Variants in ABHD14B observed in about 807,000 individuals in gnomAD.
The protein encoded by ABHD14B is abhydrolase domain containing 14B, also known as putative protein-lysine deacylase ABHD14B.
A neutral mutation model predicts 15.4 loss-of-function variants in ABHD14B; 19 were observed. That is an observed-to-expected ratio of 1.23 (90% CI 0.86 to 1.81). ABHD14B has a LOEUF of 1.81. ABHD14B is among the 40% of genes most tolerant of loss of function. The pLI is 0.00. For missense variants in ABHD14B, 243 were observed against 267.0 expected (o/e 0.91, Z 0.63); for synonymous variants, 92 against 117.3 (o/e 0.78, Z 1.39).
Position 51,969,376 on chromosome 3 carries a change from A to C in ABHD14B, c.*50T>G. ...TGGGAGAGAAGAGAGAGCGTGCAAG[A>C]GAGAGCTCAGAGCAGGCAGGCAGCC... On this transcript the variant is annotated 3_prime_UTR_variant, in exon 4 of 4. Coordinates refer to ENST00000361143, the MANE Select transcript of ABHD14B (RefSeq NM_001146314.2). 1.9e-6 allele frequency: 3 copies of C among 1,554,318 alleles called. No homozygotes were observed. Among genetic ancestry groups the C allele is most frequent in the Non-Finnish European group, 2.6e-6 (3 of 1,149,074 alleles).
At chr3:51,971,438 C>T in intron 2 of ABHD14B, 22 bp downstream of exon 2, 1 of 1,541,310 alleles carries the variant, frequency 6.5e-7, no homozygotes, top group Non-Finnish European at 8.8e-7. Flanking sequence ...AAACCCTGCC[C>T]AGAAGCCTGC....
Position 51,969,324 on chromosome 3 carries a change from C to T in ABHD14B, c.*102G>A. ...GAACCCAGACATATAGACAGACGCA[C>T]CTGTTGCATGTGCATGAGCCAGAGC... is the stretch of plus-strand genomic sequence containing the variant. On this transcript the variant is annotated 3_prime_UTR_variant, in exon 4 of 4. Transcript: ENST00000361143. 1 of 1,323,606 alleles carries T rather than the reference C, an allele frequency of 7.6e-7. No individual in the cohort carries two copies. The highest frequency in any genetic ancestry group is 1.4e-5 in the South Asian group (1 of 69,984). The allele number at this position is 1,323,606 out of a possible 1,614,324, so 82.0% of individuals were successfully genotyped here.
intron 1 of ABHD14B, chr3:51,973,631 G>C (rs903970658): frequency 2.8e-6 from 1 of 362,546 alleles, no homozygotes; most frequent in East Asian, 7.4e-5. Flanking sequence ...TGATCCTCCC[G>C]GCTCACCCCC....
chr3:51,971,812 C>T (rs1700661051), intron 1 of ABHD14B, 114 bp from the exon 2 acceptor site: 1 of 1,440,330 alleles, frequency 6.9e-7, no homozygotes, highest in Admixed American at 2.7e-5. Context: ...AAGAACATGC[C>T]TTGGGGTCAG....
At position 51,970,114 on chromosome 3, in the gene ABHD14B, C is replaced by T. The variant is rs367593230; in HGVS notation, c.282G>A (p.Ala94=). The T allele has an allele frequency of 3.0e-5, 47 of 1,581,466 alleles. No homozygotes were observed. The highest frequency in any genetic ancestry group is 1.7e-4 in the Middle Eastern group (1 of 5,898). The change falls in exon 3 of 4, where the codon GCG becomes GCA. Residue 94 remains alanine, a synonymous_variant. Coordinates refer to ENST00000361143, the MANE Select transcript of ABHD14B (RefSeq NM_001146314.2). ...CCAGCTCCAAGGCATCCACCACAGC[C>T]GCCAGGAAGCTGCCAGGGGCCAGCT... ...IGELAPGSFL[A]AVVDALELGP...
At chr3:51,973,858 G>T (rs1262031834) in intron 1 of ABHD14B, 107 bp downstream of exon 1, 2 of 1,289,640 alleles carry the variant, frequency 1.6e-6, no homozygotes, top group African/African-American at 3.0e-5. Context: ...GGGAATGGTG[G>T]CAACTCCCAA....
At position 51,969,484 on chromosome 3, in the gene ABHD14B, A is replaced by G. The variant is rs1020524964; in HGVS notation, c.575T>C (p.Leu192Pro). 1.4e-5 allele frequency: 22 copies of G among 1,613,830 alleles called. No homozygotes were observed. The highest frequency in any genetic ancestry group is 1.7e-5 in the Non-Finnish European group (20 of 1,179,982). ...IMKGAGHPCY[L>P]DKPEEWHTGL... ...TGTATGCCACTCCTCTGGTTTGTCC[A>G]GGTAACAGGGGTGCCCCGCCCCCTT... The change falls in exon 4 of 4, where the codon CTG becomes CCG. Residue 192 changes from leucine to proline, a missense_variant. By Grantham distance (98) the Leu-to-Pro change is moderately conservative (BLOSUM62 -3). Coordinates refer to ENST00000361143, the MANE Select transcript of ABHD14B (RefSeq NM_001146314.2).
At chr3:51,969,884 C>T in intron 3 of ABHD14B, 59 bp downstream of exon 3, 2 of 1,613,802 alleles carry the variant, frequency 1.2e-6, no homozygotes, top group Non-Finnish European at 1.7e-6. Context: ...GAGGAAAGCC[C>T]AGGGATGCAC....
chr3:51,969,758 C>G, intron 3 of ABHD14B, 153 bp from the exon 4 acceptor site: 1 of 1,403,148 alleles, frequency 7.1e-7, no homozygotes, highest in Non-Finnish European at 9.8e-7. Context: ...GGTGTCTGCC[C>G]CAGAACACAG....
chr3:51,973,205 C>T (rs1288435094), intron 1 of ABHD14B, among the ~76,000 whole-genome samples: 64 of 151,544 alleles, frequency 4.2e-4, no homozygotes, highest in African/African-American at 1.5e-3. Context: ...CCACCACGCC[C>T]GGCTAATTTT....
At chr3:51,971,764 G>A (rs1577709710) in intron 1 of ABHD14B, 66 bp from the exon 2 acceptor site, 2 of 1,510,084 alleles carry the variant, frequency 1.3e-6, no homozygotes, top group Non-Finnish European at 1.8e-6. Context: ...AGTCCCAGAG[G>A]AGCAGCAAGG....
At chr3:51,973,161 C>T (rs1700690603) in intron 1 of ABHD14B, among the ~76,000 whole-genome samples, 1 of 151,860 alleles carries the variant, frequency 6.6e-6, no homozygotes, top group Non-Finnish European at 1.5e-5. Flanking sequence ...TCTCCTGCCT[C>T]AGCCTCCCGG....
intron 2 of ABHD14B, 33 bp downstream of exon 2, chr3:51,971,427 C>T (rs192229463): frequency 7.9e-6 from 12 of 1,520,402 alleles, no homozygotes; most frequent in African/African-American, 2.8e-5. Flanking sequence ...GAGACCTCCC[C>T]AAACCCTGCC....
rs1200380641 is a variant in ABHD14B at position 51,969,962 on chromosome 3, G to A, written c.434C>T (p.Ala145Val). Residue 145 changes from alanine (A) to valine (V), a missense_variant, in exon 3 of 4, where the codon GCC becomes GTC. Ala to Val is a moderately conservative substitution (Grantham distance 64). Coordinates refer to ENST00000361143, the MANE Select transcript of ABHD14B (RefSeq NM_001146314.2). ...GGGTACCTTCACACTGGCATAGTTG[G>A]CAGCATTGATTTTGTCAGTGCAGAT... Reference protein sequence around the residue: ...APICTDKINAANYASVKTPAL... With the variant: ...APICTDKINAVNYASVKTPAL... 6.2e-7 allele frequency: 1 copy of A among 1,614,220 alleles called. No homozygotes were observed. Among genetic ancestry groups the A allele is most frequent in the Non-Finnish European group, 8.5e-7 (1 of 1,180,034 alleles).
chr3:51,974,476 C>G (rs1032010755), upstream of ABHD14B: 5 of 232,148 alleles, frequency 2.2e-5, no homozygotes, highest in African/African-American at 1.2e-4. Flanking sequence ...TAGAGCGGGT[C>G]AGATGTTGCC....
At chr3:51,970,354 C>T (rs1053648128) in intron 2 of ABHD14B, among the ~76,000 whole-genome samples, 170 bp from the exon 3 acceptor site, 4 of 152,204 alleles carry the variant, frequency 2.6e-5, no homozygotes, top group Non-Finnish European at 4.4e-5. Context: ...TCTATCTTAT[C>T]GTGCCAAGCA....
At chr3:51,974,495 C>T, upstream of ABHD14B, 1 of 213,116 alleles carries the variant, frequency 4.7e-6, no homozygotes, top group Non-Finnish European at 9.7e-6. Context: ...CCAACCTCTG[C>T]AGAGTAGCAA....
upstream of ABHD14B, chr3:51,974,142 A>C: frequency 2.1e-6 from 2 of 932,890 alleles, no homozygotes; most frequent in Non-Finnish European, 2.9e-6. Context: ...ACTCCGCTAA[A>C]CTCGTTCTCA....
chr3:51,971,357 G>T, intron 2 of ABHD14B, 103 bp downstream of exon 2: 1 of 1,333,068 alleles, frequency 7.5e-7, no homozygotes, highest in Non-Finnish European at 9.9e-7. Flanking sequence ...AGATCCCACC[G>T]CCCCCACCCC....
Sources: gnomAD v4.1 joint callset for allele counts (sites outside exome capture counted in the v4.1 genomes callset) on GRCh38, gnomAD v4.1.1 for gene constraint, MANE v1.5 for transcripts, NCBI Gene and HGNC (gene_info 2026-07-23, HGNC 2026-07-21) for gene names.